Variants in CD1B observed in about 807,000 individuals in gnomAD.
CD1B encodes the protein CD1b molecule.
Under a neutral mutation model 39.8 loss-of-function variants are expected in CD1B, and 43 were observed. The observed-to-expected ratio is 1.08, with a 90% CI of 0.85 to 1.39. The LOEUF is 1.39. CD1B is among the 40% of genes most tolerant of loss of function. The pLI, the probability that CD1B is intolerant of heterozygous loss-of-function variation, is 0.00. For synonymous variants in CD1B, 192 were observed against 152.5 expected (o/e 1.26, Z -1.91); for missense variants, 495 against 403.8 (o/e 1.23, Z -1.94).
chr1:158,330,650 G>T (rs748066466), intron 2 of CD1B, 146 bp downstream of exon 2: 8 of 815,326 alleles, frequency 9.8e-6, no homozygotes, highest in Non-Finnish European at 1.8e-5. Flanking sequence ...TGTGAAGCTG[G>T]AGTGAGAGAC....
At chr1:158,327,313 G>C (rs187655079), downstream of CD1B, among the ~76,000 whole-genome samples, 110 of 152,298 alleles carry the variant, frequency 7.2e-4, no homozygotes, top group Non-Finnish European at 1.2e-3. Context: ...AACCCAGGGA[G>C]TGCAGCTGGC....
rs545954866 is a variant in CD1B, at chr1:158,330,162, A to G, written c.329-32T>C. The G allele has an allele frequency of 5.8e-6, 9 of 1,551,530 alleles. No individual in the cohort carries two copies. The South Asian group carries it at 9.8e-5, about 17-fold the overall frequency. On this transcript the variant is annotated intron_variant, in intron 2 of 5. Coordinates refer to ENST00000368168, the MANE Select transcript of CD1B (RefSeq NM_001764.3). Reference sequence around the variant, plus strand: ...AGAGGGAAAAGAGAGCAAGTTATTAAACACAAATAAGAAAAAAAGGCATGA... The same window carrying G: ...AGAGGGAAAAGAGAGCAAGTTATTAGACACAAATAAGAAAAAAAGGCATGA...
At chr1:158,328,367 T>C in intron 5 of CD1B, 110 bp from the exon 6 acceptor site, 3 of 777,750 alleles carry the variant, frequency 3.9e-6, no homozygotes, top group South Asian at 1.8e-5. Flanking sequence ...CAAGTGTCCA[T>C]AGATAGACGA....
chr1:158,297,093 T>G, the CD1B span, among the ~76,000 whole-genome samples: 1 of 152,018 alleles, frequency 6.6e-6, no homozygotes, highest in Non-Finnish European at 1.5e-5. Flanking sequence ...ATTCAAGAAA[T>G]TCAGAGAACT....
At chr1:158,292,899 G>A in the CD1B span, 3 of 1,610,228 alleles carry the variant, frequency 1.9e-6, no homozygotes, top group Non-Finnish European at 8.5e-7. Context: ...TGGAAGTGTA[G>A]GTAGGTGGTT....
chr1:158,326,413 T>C (rs1468596281), downstream of CD1B, among the ~76,000 whole-genome samples: 1 of 152,130 alleles, frequency 6.6e-6, no homozygotes, highest in South Asian at 2.1e-4. Context: ...AATTCTAGGA[T>C]AAAAATGAGA....
chr1:158,298,869 T>A, the CD1B span, among the ~76,000 whole-genome samples: 1 of 152,234 alleles, frequency 6.6e-6, no homozygotes. Flanking sequence ...TGATTTTGTA[T>A]CCTGAGACTT....
At chr1:158,321,627 T>G in the CD1B span, among the ~76,000 whole-genome samples, 6 of 152,374 alleles carry the variant, frequency 3.9e-5, no homozygotes, top group South Asian at 1.2e-3. Context: ...TTAAGTGATA[T>G]TCTCCAACAT....
At chr1:158,308,336 A>G in the CD1B span, among the ~76,000 whole-genome samples, 1 of 152,230 alleles carries the variant, frequency 6.6e-6, no homozygotes, top group African/African-American at 2.4e-5. Flanking sequence ...AAAAGAAGAT[A>G]CAAACAAATG....
the CD1B span, chr1:158,292,533 G>A: frequency 2.6e-6 from 4 of 1,555,906 alleles, no homozygotes; most frequent in Middle Eastern, 2.1e-4. Flanking sequence ...ATGTGGATGT[G>A]TGTATGTGGA....
chr1:158,324,701 G>A (rs556200697), downstream of CD1B, among the ~76,000 whole-genome samples: 35 of 152,118 alleles, frequency 2.3e-4, no homozygotes, highest in South Asian at 5.2e-3. Context: ...CTAGAAACTA[G>A]GATTAACCCA....
At chr1:158,293,739 C>T in the CD1B span, 3 of 706,448 alleles carry the variant, frequency 4.2e-6, no homozygotes, top group Middle Eastern at 7.6e-4. Flanking sequence ...CCCAGAGAGC[C>T]CCTCAACTGT....
At chr1:158,314,077 T>A in the CD1B span, among the ~76,000 whole-genome samples, 2 of 152,134 alleles carry the variant, frequency 1.3e-5, no homozygotes, top group Non-Finnish European at 2.9e-5. Context: ...TAGTTAAAAG[T>A]TTGTCAGGTT....
At chr1:158,310,864 G>A in the CD1B span, among the ~76,000 whole-genome samples, 1 of 152,134 alleles carries the variant, frequency 6.6e-6, no homozygotes, top group South Asian at 2.1e-4. Context: ...CTCTGCTGGT[G>A]GGAATGTAAA....
chr1:158,307,662 G>A, the CD1B span, among the ~76,000 whole-genome samples: 19 of 152,238 alleles, frequency 1.2e-4, no homozygotes, highest in East Asian at 9.6e-4. Flanking sequence ...TATCCCTGAC[G>A]AACATCGATG....
the CD1B span, among the ~76,000 whole-genome samples, chr1:158,296,912 A>G: frequency 6.6e-6 from 1 of 152,184 alleles, no homozygotes; most frequent in Non-Finnish European, 1.5e-5. Flanking sequence ...AAAATAATAC[A>G]GAAGGATGAA....
the CD1B span, among the ~76,000 whole-genome samples, chr1:158,321,646 G>A: frequency 3.3e-5 from 5 of 152,076 alleles, no homozygotes; most frequent in African/African-American, 1.2e-4. Flanking sequence ...ATTATGCTTT[G>A]ATTCACTGCT....
chr1:158,319,597 CT>C, the CD1B span, among the ~76,000 whole-genome samples: 1 of 152,074 alleles, frequency 6.6e-6, no homozygotes, highest in Admixed American at 6.5e-5. Flanking sequence ...ACTTCTTTGC[CT>C]TTGGTTTGAA....
intron 2 of CD1B, 70 bp from the exon 3 acceptor site, chr1:158,330,200 G>C: frequency 7.0e-7 from 1 of 1,424,882 alleles, no homozygotes; most frequent in South Asian, 1.4e-5. Context: ...AAAGAACCTA[G>C]GATTTTAGAT....
Sources: gnomAD v4.1 joint callset for allele counts (sites outside exome capture counted in the v4.1 genomes callset) on GRCh38, gnomAD v4.1.1 for gene constraint, MANE v1.5 for transcripts, NCBI Gene and HGNC (gene_info 2026-07-23, HGNC 2026-07-21) for gene names.